Variants in FGGY observed in about 807,000 individuals in gnomAD.
FGGY encodes FGGY carbohydrate kinase domain containing.
Under a neutral mutation model 71.3 loss-of-function variants are expected in FGGY, and 72 were observed. The observed-to-expected ratio is 1.01, with a 90% CI of 0.84 to 1.23. The LOEUF (loss-of-function observed/expected upper bound fraction) is 1.23, where lower values mean the gene tolerates loss of function less well. FGGY is among the 50% of genes most tolerant of loss of function. The pLI, the probability that FGGY is intolerant of heterozygous loss-of-function variation, is 0.00. For synonymous variants in FGGY, 251 were observed against 250.3 expected, an observed-to-expected ratio of 1.00 and a Z score of -0.02; for missense variants, 668 against 682.3, an observed-to-expected ratio of 0.98 and a Z score of 0.23.
intron 2 of FGGY, among the ~76,000 whole-genome samples, chr1:59,324,498 G>A (rs971256179): frequency 6.6e-6 from 1 of 151,364 alleles, no homozygotes; most frequent in African/African-American, 2.4e-5. Context: ...GGATGGTCTC[G>A]ATCTCCTGAC....
intron 8 of FGGY, among the ~76,000 whole-genome samples, chr1:59,575,277 C>A (rs918110737): frequency 6.6e-6 from 1 of 152,100 alleles, no homozygotes; most frequent in Non-Finnish European, 1.5e-5. Context: ...CTTGGCAACC[C>A]CACCCTAATA....
Position 59,757,954 on chromosome 1 carries a change from A to T in FGGY, c.1536A>T (p.Lys512Asn). 1 of 1,613,480 alleles carries T rather than the reference A, an allele frequency of 6.2e-7. No homozygotes were observed. ...SVQEAMAKMS[K>N]VGKVVFPRLQ... ...AGGAAGCAATGGCAAAAATGAGCAAAGTTGGGAAAGTTGTGTTCCCGAGAC... is the reference window on the plus strand; with the variant it reads ...AGGAAGCAATGGCAAAAATGAGCAATGTTGGGAAAGTTGTGTTCCCGAGAC... The change falls in exon 15 of 16, where the codon AAA becomes AAT. Residue 512 changes from lysine to asparagine, a missense_variant. By Grantham distance (94) the Lys-to-Asn change is moderately conservative. Coordinates refer to ENST00000303721, the MANE Select transcript of FGGY (RefSeq NM_018291.5).
At chr1:59,545,742 A>C (rs1433623888) in intron 7 of FGGY, among the ~76,000 whole-genome samples, 1 of 152,192 alleles carries the variant, frequency 6.6e-6, no homozygotes, top group Non-Finnish European at 1.5e-5. Context: ...AGCCTCTTGA[A>C]TTGGTTTCTG....
intron 14 of FGGY, among the ~76,000 whole-genome samples, chr1:59,698,250 A>G (rs532468577): frequency 7.9e-5 from 12 of 152,146 alleles, no homozygotes; most frequent in Admixed American, 2.0e-4. Flanking sequence ...AAGGTTCTGC[A>G]TGTCATATGT....
chr1:59,366,332 A>G (rs1198254212), intron 4 of FGGY, among the ~76,000 whole-genome samples: 3 of 152,170 alleles, frequency 2.0e-5, no homozygotes, highest in African/African-American at 7.2e-5. Flanking sequence ...CGTCTTGTCT[A>G]TTCAGGTTTT....
At chr1:59,621,747 T>C (rs1031848879) in intron 9 of FGGY, among the ~76,000 whole-genome samples, 12 of 152,052 alleles carry the variant, frequency 7.9e-5, no homozygotes, top group Admixed American at 2.0e-4. Flanking sequence ...CTGGCTGCTT[T>C]CAAATTTTCT....
At chr1:59,426,590 A>G (rs1416622307) in intron 5 of FGGY, among the ~76,000 whole-genome samples, 2 of 152,200 alleles carry the variant, frequency 1.3e-5, no homozygotes, top group Non-Finnish European at 2.9e-5. Flanking sequence ...GAGTTCCCCC[A>G]TTGGAGAGGC....
At chr1:59,705,060 T>C (rs538453666) in intron 14 of FGGY, among the ~76,000 whole-genome samples, 1 of 152,330 alleles carries the variant, frequency 6.6e-6, no homozygotes, top group African/African-American at 2.4e-5. Flanking sequence ...AGTACTTTTC[T>C]GTTAATGGCC....
intron 8 of FGGY, among the ~76,000 whole-genome samples, chr1:59,575,411 C>T (rs1013894927): frequency 6.6e-6 from 1 of 152,164 alleles, no homozygotes; most frequent in Non-Finnish European, 1.5e-5. Context: ...TCTCCAGGAT[C>T]GTCTGTGTCA....
At chr1:59,297,680 G>A (rs779320263) in intron 1 of FGGY, among the ~76,000 whole-genome samples, 6 of 152,052 alleles carry the variant, frequency 3.9e-5, no homozygotes, top group South Asian at 2.1e-4. Context: ...AAAATTAGCC[G>A]GGCGTGGTGG....
chr1:59,728,077 T>C (rs1474534492), intron 14 of FGGY, among the ~76,000 whole-genome samples: 1 of 152,176 alleles, frequency 6.6e-6, no homozygotes, highest in African/African-American at 2.4e-5. Flanking sequence ...TGTTTGTAAC[T>C]ATTTTATATT....
rs1420502085 is a variant in FGGY at position 59,697,666 on chromosome 1, C to T, written c.1512+23533C>T. 3 of 1,303,694 alleles carry T rather than the reference C, an allele frequency of 2.3e-6. No individual in the cohort carries two copies. In the African/African-American group the frequency reaches 4.6e-5, roughly 20 times the overall value. 80.8% of individuals were successfully genotyped at this position (1,303,694 alleles called of 1,614,324 possible). On this transcript the variant is annotated intron_variant, in intron 14 of 15. Coordinates refer to ENST00000303721, the MANE Select transcript of FGGY (RefSeq NM_018291.5). Reference sequence around the variant, plus strand: ...TTTCCAGTGGGGGAAATAGATAGCTCAGTTGTGGACGATAGCAGCAATGGG... The same window carrying T: ...TTTCCAGTGGGGGAAATAGATAGCTTAGTTGTGGACGATAGCAGCAATGGG...
chr1:59,519,550 GTA>G (rs1162674091), intron 7 of FGGY, among the ~76,000 whole-genome samples: 9 of 152,268 alleles, frequency 5.9e-5, no homozygotes, highest in Middle Eastern at 3.4e-3. Flanking sequence ...TTGCTTCCTG[GTA>G]AAGTGGAATT....
intron 5 of FGGY, among the ~76,000 whole-genome samples, chr1:59,441,181 C>T (rs1229535703): frequency 6.6e-6 from 1 of 151,976 alleles, no homozygotes; most frequent in Non-Finnish European, 1.5e-5. Flanking sequence ...AGGGAGAAGA[C>T]CTAGTACTCA....
intron 8 of FGGY, among the ~76,000 whole-genome samples, chr1:59,603,547 T>C (rs764554997): frequency 1.2e-4 from 18 of 152,140 alleles, no homozygotes; most frequent in Admixed American, 2.0e-4. Context: ...TTTACAAAAG[T>C]CCCCCAGCAT....
intron 14 of FGGY, among the ~76,000 whole-genome samples, chr1:59,694,024 G>A (rs990434117): frequency 3.4e-5 from 5 of 145,312 alleles, no homozygotes; most frequent in African/African-American, 1.3e-4. Context: ...GTAAATGGCC[G>A]GGCGCGGTGG....
intron 7 of FGGY, among the ~76,000 whole-genome samples, chr1:59,517,268 T>TC (rs1222017304): frequency 1.5e-5 from 2 of 134,630 alleles, no homozygotes; most frequent in Non-Finnish European, 3.2e-5. Flanking sequence ...TTTTTTTTTT[T>TC]TTTTTTTTTT....
intron 10 of FGGY, among the ~76,000 whole-genome samples, chr1:59,635,832 G>A (rs2096953359): frequency 2.6e-5 from 4 of 152,116 alleles, no homozygotes; most frequent in Admixed American, 2.6e-4. Flanking sequence ...CTAAAACAGG[G>A]TTTGTGTTTT....
At chr1:59,665,962 C>T (rs548075256) in intron 12 of FGGY, among the ~76,000 whole-genome samples, 11 of 152,326 alleles carry the variant, frequency 7.2e-5, no homozygotes, top group African/African-American at 4.8e-5. Flanking sequence ...CGTGAGCCAC[C>T]GCGCCCGGCC....
Sources: gnomAD v4.1 joint callset for allele counts (sites outside exome capture counted in the v4.1 genomes callset) on GRCh38, gnomAD v4.1.1 for gene constraint, MANE v1.5 for transcripts, NCBI Gene and HGNC (gene_info 2026-07-23, HGNC 2026-07-21) for gene names.